The following FAM72B variants were observed in gnomAD, a reference collection of about 807,000 sequenced individuals.
The protein encoded by FAM72B is RUMY family member 2.
A neutral mutation model predicts 12.6 loss-of-function variants in FAM72B; 4 were observed. That is an observed-to-expected ratio of 0.32 (90% confidence interval 0.16 to 0.73). The LOEUF is 0.73. FAM72B is among the 30% of genes least tolerant of loss of function. The probability of loss-of-function intolerance (pLI) is 0.67; values close to 1 mark genes in which losing one functional copy is unlikely to be tolerated. For synonymous variants in FAM72B, 13 were observed against 53.9 expected (o/e 0.24, Z 3.32); for missense variants, 61 against 158.4 (o/e 0.39, Z 3.30).
At chr1:121,171,783 C>T (rs1654096459) in intron 3 of FAM72B, among the ~76,000 whole-genome samples, 1 of 99,314 alleles carries the variant, frequency 1.0e-5, no homozygotes, top group Non-Finnish European at 2.0e-5. Flanking sequence ...GCCTTCTTAA[C>T]ATACCAAAGT....
chr1:121,183,633 T>C lies in FAM72B; in HGVS notation c.-144A>G, dbSNP rs1570686408. On this transcript the variant is annotated 5_prime_UTR_variant, in exon 1 of 4. Transcript: ENST00000369390. ...CTAATATTGGGAAGGAAATTAGTTTTTTTTTTCTGTTTTCCCGGTGGCGGA... is the reference window on the plus strand; with the variant it reads ...CTAATATTGGGAAGGAAATTAGTTTCTTTTTTCTGTTTTCCCGGTGGCGGA... 7.1e-6 allele frequency: 11 copies of C among 1,546,242 alleles called. No homozygotes were observed. The South Asian group carries it at 1.4e-4, about 20-fold the overall frequency.
Position 121,183,544 on chromosome 1 carries a change from C to T in FAM72B, c.-55G>A, listed in dbSNP as rs1412655455. ...TTTGAAAAAGGAAACAAGAGTAATGCTCCTACTATTTTGATTCCCCTAGGC... is the reference window on the plus strand; with the variant it reads ...TTTGAAAAAGGAAACAAGAGTAATGTTCCTACTATTTTGATTCCCCTAGGC... On this transcript the variant is annotated 5_prime_UTR_variant, in exon 1 of 4. Coordinates refer to ENST00000369390, the MANE Select transcript of FAM72B (RefSeq NM_001100910.2). 38 of 1,608,074 alleles carry T rather than the reference C, an allele frequency of 2.4e-5. No individual in the cohort carries two copies. The highest frequency in any genetic ancestry group is 1.2e-4 in the Admixed American group (7 of 59,664).
At chr1:121,182,185 A>G (rs1553317723) in intron 1 of FAM72B, among the ~76,000 whole-genome samples, 1 of 151,776 alleles carries the variant, frequency 6.6e-6, no homozygotes, top group African/African-American at 2.4e-5. Flanking sequence ...AAATACATAT[A>G]CGATGTACAC....
At chr1:121,174,963 C>T (rs1654181524) in intron 3 of FAM72B, among the ~76,000 whole-genome samples, 2 of 152,006 alleles carry the variant, frequency 1.3e-5, no homozygotes, top group Admixed American at 1.3e-4. Context: ...TTTTAATATA[C>T]ACAAAACAGC....
At chr1:121,179,545 G>T (rs1360671473) in intron 2 of FAM72B, among the ~76,000 whole-genome samples, 2 of 151,490 alleles carry the variant, frequency 1.3e-5, no homozygotes, top group African/African-American at 2.4e-5. Context: ...TTAGCCGTGT[G>T]GGCTGGGTGC....
chr1:121,170,129 C>T (rs1296745818), intron 3 of FAM72B, among the ~76,000 whole-genome samples: 4 of 151,964 alleles, frequency 2.6e-5, no homozygotes, highest in African/African-American at 9.7e-5. Flanking sequence ...TGCCACCATG[C>T]CTGGGTAATT....
intron 2 of FAM72B, among the ~76,000 whole-genome samples, chr1:121,179,608 G>T (rs1654287564): frequency 6.6e-6 from 1 of 152,140 alleles, no homozygotes; most frequent in Non-Finnish European, 1.5e-5. Context: ...CAGGTGGTCT[G>T]CCTGAGCTCA....
intron 3 of FAM72B, among the ~76,000 whole-genome samples, chr1:121,175,071 T>C (rs1472694374): frequency 6.6e-6 from 1 of 152,056 alleles, no homozygotes; most frequent in Non-Finnish European, 1.5e-5. Flanking sequence ...AATCTCTTGT[T>C]AGAGGATAAT....
intron 3 of FAM72B, among the ~76,000 whole-genome samples, chr1:121,169,593 T>C (rs1378774009): frequency 1.3e-5 from 2 of 152,076 alleles, no homozygotes; most frequent in Non-Finnish European, 2.9e-5. Context: ...CCTCATCCCT[T>C]CAATAAGCAG....
chr1:121,174,987 G>A (rs1254715715), intron 3 of FAM72B, among the ~76,000 whole-genome samples: 1 of 151,904 alleles, frequency 6.6e-6, no homozygotes, highest in Non-Finnish European at 1.5e-5. Flanking sequence ...CTATTGGAAG[G>A]AGATGCCATC....
chr1:121,174,293 G>A (rs1654160417), intron 3 of FAM72B, among the ~76,000 whole-genome samples: 1 of 151,342 alleles, frequency 6.6e-6, no homozygotes, highest in African/African-American at 2.4e-5. Context: ...AGAAGCTGCA[G>A]CAAGTTATCC....
intron 3 of FAM72B, among the ~76,000 whole-genome samples, chr1:121,169,641 A>G (rs587715612): frequency 6.6e-6 from 1 of 152,212 alleles, no homozygotes; most frequent in African/African-American, 2.4e-5. Context: ...TCAGAAAAAA[A>G]GCAAGGGTTC....
Position 121,168,745 on chromosome 1 carries a change from C to G in FAM72B, c.446G>C (p.Arg149Thr). The G allele has an allele frequency of 6.4e-7, 1 of 1,573,308 alleles. No homozygotes were observed. The highest frequency in any genetic ancestry group is 8.6e-7 in the Non-Finnish European group (1 of 1,167,538). ...TCATATATATCATAATTCCATTTAT[C>G]TAATACACTCCTCTGCTGAGATATT... ...VLNISAEECI[R>T] The change falls in exon 4 of 4, where the codon AGA becomes ACA. Residue 149 changes from arginine (R) to threonine (T), a missense_variant. Arg to Thr is a moderately conservative substitution (Grantham distance 71). Coordinates refer to ENST00000369390, the MANE Select transcript of FAM72B (RefSeq NM_001100910.2).
intron 2 of FAM72B, among the ~76,000 whole-genome samples, chr1:121,179,449 C>T (rs1300350782): frequency 7.0e-5 from 10 of 143,576 alleles, no homozygotes; most frequent in East Asian, 4.3e-4. Flanking sequence ...TTTGGGAGGC[C>T]GAGGCAGGTG....
intron 2 of FAM72B, among the ~76,000 whole-genome samples, chr1:121,180,348 C>G (rs1321485772): frequency 9.0e-6 from 1 of 110,698 alleles, no homozygotes; most frequent in Non-Finnish European, 1.7e-5. Flanking sequence ...TCAAGAGCAG[C>G]CTGACCAACA....
At chr1:121,182,128 G>GT (rs1654345053) in intron 1 of FAM72B, among the ~76,000 whole-genome samples, 1 of 152,186 alleles carries the variant, frequency 6.6e-6, no homozygotes, top group South Asian at 2.1e-4. Flanking sequence ...ACAGAACTTT[G>GT]TAACAGTAGG....
At chr1:121,176,851 T>TAC (rs1347433062) in intron 3 of FAM72B, among the ~76,000 whole-genome samples, 48 of 151,936 alleles carry the variant, frequency 3.2e-4, no homozygotes, top group African/African-American at 9.6e-4. Context: ...CTCCCTTTCT[T>TAC]ACACACACAC....
In FAM72B at chr1:121,183,651, G is replaced by C; in HGVS notation, c.-162C>G. 6.8e-7 allele frequency: 1 copy of C among 1,473,848 alleles called. No homozygotes were observed. Among genetic ancestry groups the C allele is most frequent in the Non-Finnish European group, 9.1e-7 (1 of 1,100,742 alleles). The allele number at this position is 1,473,848 out of a possible 1,614,324, so 91.3% of individuals were successfully genotyped here. A position where few individuals can be genotyped will look rare whatever the true frequency, so the allele number is the denominator to read the frequency against. On this transcript the variant is annotated 5_prime_UTR_variant, in exon 1 of 4. Coordinates refer to ENST00000369390, the MANE Select transcript of FAM72B (RefSeq NM_001100910.2). Reference sequence around the variant, plus strand: ...TTAGTTTTTTTTTTCTGTTTTCCCGGTGGCGGAGTAGAAGAAGTATTTATT... The same window carrying C: ...TTAGTTTTTTTTTTCTGTTTTCCCGCTGGCGGAGTAGAAGAAGTATTTATT...
intron 3 of FAM72B, among the ~76,000 whole-genome samples, chr1:121,173,363 G>A (rs1654145948): frequency 1.4e-5 from 2 of 142,940 alleles, no homozygotes; most frequent in South Asian, 4.6e-4. Context: ...CTCCCAAAGT[G>A]TGGGATTACA....
Sources: gnomAD v4.1 joint callset for allele counts (sites outside exome capture counted in the v4.1 genomes callset) on GRCh38, gnomAD v4.1.1 for gene constraint, MANE v1.5 for transcripts, NCBI Gene and HGNC (gene_info 2026-07-23, HGNC 2026-07-21) for gene names.